TASP1: variants seen among roughly 807,000 people sequenced by gnomAD.
TASP1 encodes the protein taspase 1.
Under a neutral mutation model 56.6 loss-of-function variants are expected in TASP1, and 16 were observed. That is an observed-to-expected ratio of 0.28 (90% confidence interval 0.19 to 0.43). The LOEUF (loss-of-function observed/expected upper bound fraction) is 0.43, where lower values mean the gene tolerates loss of function less well. Ranked by LOEUF, TASP1 falls within the 20% of genes least tolerant of loss-of-function variation. The pLI, the probability that TASP1 is intolerant of heterozygous loss-of-function variation, is 1.00. For synonymous variants in TASP1, 179 were observed against 184.2 expected (o/e 0.97, Z 0.23); for missense variants, 393 against 511.6 (o/e 0.77, Z 2.24).
At chr20:13,219,342 C>G in the TASP1 span, among the ~76,000 whole-genome samples, 55 of 152,028 alleles carry the variant, frequency 3.6e-4, no homozygotes, top group African/African-American at 1.3e-3. Flanking sequence ...TTAAGTGATC[C>G]TAATTAGAAA....
At chr20:13,422,039 C>T (rs2042456686) in intron 12 of TASP1, among the ~76,000 whole-genome samples, 1 of 146,174 alleles carries the variant, frequency 6.8e-6, no homozygotes, top group Non-Finnish European at 1.5e-5. Flanking sequence ...GCAAGCTCTG[C>T]CTCCCGGGTT....
At chr20:13,129,862 T>C in the TASP1 span, among the ~76,000 whole-genome samples, 1 of 152,208 alleles carries the variant, frequency 6.6e-6, no homozygotes, top group Non-Finnish European at 1.5e-5. Context: ...CTTAGCCTTA[T>C]ACCTAAAGAA....
At chr20:13,352,172 G>A in the TASP1 span, among the ~76,000 whole-genome samples, 6 of 152,106 alleles carry the variant, frequency 3.9e-5, no homozygotes, top group African/African-American at 7.2e-5. Context: ...CTTTTAGGCC[G>A]GGCACAGTGG....
At chr20:13,490,003 A>G (rs1424283812) in intron 10 of TASP1, among the ~76,000 whole-genome samples, 2 of 152,190 alleles carry the variant, frequency 1.3e-5, no homozygotes, top group Admixed American at 6.5e-5. Flanking sequence ...ATGGCTCAGA[A>G]AACTTTACAC....
chr20:13,221,642 G>A, the TASP1 span: 2 of 696,440 alleles, frequency 2.9e-6, no homozygotes, highest in East Asian at 4.9e-5. Context: ...CGCGGGCCCG[G>A]GAAGCGGAGC....
chr20:13,173,548 A>G, the TASP1 span, among the ~76,000 whole-genome samples: 6 of 152,162 alleles, frequency 3.9e-5, no homozygotes, highest in African/African-American at 1.2e-4. Flanking sequence ...TTTGAAATGG[A>G]TGGGCTAGGC....
the TASP1 span, among the ~76,000 whole-genome samples, chr20:13,247,232 C>CA: frequency 2.4e-4 from 36 of 147,660 alleles, no homozygotes; most frequent in African/African-American, 5.2e-4. Context: ...ATCTCCGTCT[C>CA]AAAAAAAAAA....
chr20:13,393,491 CCTGGA>C, intron 13 of TASP1: 1 of 782,256 alleles, frequency 1.3e-6, no homozygotes. Context: ...TCAAGGGCAT[CCTGGA>C]CTACACTGAG....
At chr20:13,265,193 T>C in the TASP1 span, among the ~76,000 whole-genome samples, 11 of 152,332 alleles carry the variant, frequency 7.2e-5, no homozygotes, top group East Asian at 7.7e-4. Context: ...TTCACCAAGA[T>C]TGCAAAGCTC....
At chr20:13,548,342 G>T (rs1223639633) in intron 8 of TASP1, among the ~76,000 whole-genome samples, 2 of 152,132 alleles carry the variant, frequency 1.3e-5, no homozygotes, top group Non-Finnish European at 2.9e-5. Context: ...AGTGAGTGGA[G>T]CATGATTCTA....
At chr20:13,382,872 A>G in the TASP1 span, among the ~76,000 whole-genome samples, 1 of 152,228 alleles carries the variant, frequency 6.6e-6, no homozygotes, top group African/African-American at 2.4e-5. Context: ...CAGAAAAATA[A>G]AGCAAAAAAG....
chr20:13,393,134 C>A (rs956860813), intron 13 of TASP1: 1 of 652,010 alleles, frequency 1.5e-6, no homozygotes, highest in African/African-American at 1.8e-5. Context: ...CCTGTACCAC[C>A]AACTGCTTAG....
At chr20:13,423,741 A>C (rs6105091) in intron 12 of TASP1, among the ~76,000 whole-genome samples, 9,054 of 152,218 alleles carry the variant, frequency 0.059, 422 homozygotes, top group African/African-American at 0.13. Context: ...CCACCTTCTG[A>C]AACTTCTGAA....
At chr20:13,617,944 C>A (rs1253994442) in intron 4 of TASP1, among the ~76,000 whole-genome samples, 1 of 152,038 alleles carries the variant, frequency 6.6e-6, no homozygotes, top group South Asian at 2.1e-4. Flanking sequence ...TTAGAAGTTT[C>A]TTCTATCCCC....
the TASP1 span, among the ~76,000 whole-genome samples, chr20:13,286,150 A>G: frequency 3.3e-5 from 5 of 151,832 alleles, no homozygotes; most frequent in Non-Finnish European, 5.9e-5. Context: ...ATTCCCTTTA[A>G]CAAAATCTGG....
At chr20:13,495,523 G>T (rs892027575) in intron 10 of TASP1, among the ~76,000 whole-genome samples, 1 of 152,014 alleles carries the variant, frequency 6.6e-6, no homozygotes, top group Non-Finnish European at 1.5e-5. Context: ...TAGAATTTAA[G>T]GAATATCAAT....
chr20:13,538,849 C>T (rs1351470182), intron 8 of TASP1, among the ~76,000 whole-genome samples: 2 of 152,038 alleles, frequency 1.3e-5, no homozygotes, highest in African/African-American at 2.4e-5. Flanking sequence ...TCAAGACTAG[C>T]CTGGCCAACA....
the TASP1 span, among the ~76,000 whole-genome samples, chr20:13,137,724 T>A: frequency 6.6e-6 from 1 of 152,220 alleles, no homozygotes; most frequent in Non-Finnish European, 1.5e-5. Context: ...GATTAAATTG[T>A]TCTTATCCTC....
the TASP1 span, among the ~76,000 whole-genome samples, chr20:13,159,542 C>T: frequency 1.3e-5 from 2 of 152,092 alleles, no homozygotes; most frequent in Non-Finnish European, 2.9e-5. Flanking sequence ...ATTGAAATTT[C>T]CACATTGTAT....
Sources: gnomAD v4.1 joint callset for allele counts (sites outside exome capture counted in the v4.1 genomes callset) on GRCh38, gnomAD v4.1.1 for gene constraint, MANE v1.5 for transcripts, NCBI Gene and HGNC (gene_info 2026-07-23, HGNC 2026-07-21) for gene names.